Variants in EDF1 observed in about 807,000 individuals in gnomAD.
EDF1 encodes endothelial differentiation-related factor 1.
A neutral mutation model predicts 20.8 loss-of-function variants in EDF1; 5 were observed. The observed-to-expected ratio is 0.24, with a 90% CI of 0.13 to 0.51. The LOEUF (loss-of-function observed/expected upper bound fraction) is 0.51. Ranked by LOEUF, EDF1 falls within the 20% of genes least tolerant of loss-of-function variation. The probability of loss-of-function intolerance (pLI) is 0.97; values close to 1 mark genes in which losing one functional copy is unlikely to be tolerated. For synonymous variants in EDF1, 96 were observed against 78.5 expected (o/e 1.22, Z -1.18); for missense variants, 137 against 197.8 (o/e 0.69, Z 1.84).
In EDF1 at chr9:136,862,693, C is replaced by T. The variant is rs148528888; in HGVS notation, c.385+213G>A. 1.0e-5 allele frequency: 15 copies of T among 1,497,548 alleles called. No individual in the cohort carries two copies. Among genetic ancestry groups the T allele is most frequent in the East Asian group, 2.4e-5 (1 of 41,510 alleles). The allele number at this position is 1,497,548 out of a possible 1,614,324, so 92.8% of individuals were successfully genotyped here. A position where few individuals can be genotyped will look rare whatever the true frequency, so the allele number is the denominator to read the frequency against. ...CGGGAACTGGCAAGGGGAAGGGACT[C>T]GGACTCCACTTGCTCTTAGGGGTTT... On this transcript the variant is annotated intron_variant, in intron 4 of 4. Coordinates refer to ENST00000224073, the MANE Select transcript of EDF1 (RefSeq NM_003792.4). This position sits in a 1 kb window ranked among gnomAD's most constrained non-coding sequence, Gnocchi z 4.1.
At chr9:136,865,461 G>A (rs1471554869) in intron 1 of EDF1, among the ~76,000 whole-genome samples, 1 of 151,920 alleles carries the variant, frequency 6.6e-6, no homozygotes, top group Non-Finnish European at 1.5e-5. Context: ...CTCTCAGGGA[G>A]GAGCCTACCC....
rs1849224809 is a variant in EDF1 at position 136,866,239 on chromosome 9, T to C, written c.20A>G (p.Asp7Gly). MAESDW[D>G]TVTVLRKKGP... is the part of the protein sequence containing the mutation. ...CTTCTTGCGCAGCACCGTCACCGTG[T>C]CCCAGTCGCTCTCGGCCATGGCGGG... Residue 7 changes from aspartate (D) to glycine (G), a missense_variant, in exon 1 of 5, where the codon GAC becomes GGC. By Grantham distance (94) the Asp-to-Gly change is moderately conservative (BLOSUM62 -1). Transcript: ENST00000224073. 7 of 1,600,002 alleles carry C rather than the reference T, an allele frequency of 4.4e-6. No homozygotes were observed. The highest frequency in any genetic ancestry group is 2.8e-5 in the African/African-American group (2 of 72,580).
In EDF1 at chr9:136,863,334, T is replaced by C. The variant is rs1196316198; in HGVS notation, c.245A>G (p.Gln82Arg). ...AAGCCCCTTGCTCTGCCGACCTTGC[T>C]GGATCACCTTGCCCACCTCCAGGGT... ...RVTLEVGKVI[Q>R]QGRQSKGLTQ... The change falls in exon 3 of 5, where the codon CAG becomes CGG. Residue 82 changes from glutamine (Q) to arginine (R), a missense_variant. Coordinates refer to ENST00000224073, the MANE Select transcript of EDF1 (RefSeq NM_003792.4). This position sits in a 1 kb window ranked among gnomAD's most constrained non-coding sequence, Gnocchi z 4.5. 1 of 1,613,918 alleles carries C rather than the reference T, an allele frequency of 6.2e-7. No individual in the cohort carries two copies. The highest frequency in any genetic ancestry group is 8.5e-7 in the Non-Finnish European group (1 of 1,180,010).
In EDF1 at chr9:136,862,616, C is replaced by G; in HGVS notation, c.386-271G>C. 6.5e-7 allele frequency: 1 copy of G among 1,528,052 alleles called. No homozygotes were observed. Among genetic ancestry groups the G allele is most frequent in the Non-Finnish European group, 8.7e-7 (1 of 1,143,848 alleles). 94.7% of individuals were successfully genotyped at this position (1,528,052 alleles called of 1,614,324 possible). A position where few individuals can be genotyped will look rare whatever the true frequency, so the allele number is the denominator to read the frequency against. On this transcript the variant is annotated intron_variant, in intron 4 of 4. Transcript: ENST00000224073. The surrounding 1 kb of genome is among the most constrained non-coding windows in gnomAD (Gnocchi z 4.1). ...GCTTCCGGCCCCATGCTGACAGGGC[C>G]CGGACCCGCTGTGCTCAGGCTCAGA...
rs1849143278 is a variant in EDF1 at position 136,863,189 on chromosome 9, CA to C, written c.291+98del. On this transcript the variant is annotated intron_variant, in intron 3 of 4. Transcript: ENST00000224073. The surrounding 1 kb of genome is among the most constrained non-coding windows in gnomAD (Gnocchi z 4.5). ...CCCGAGGCATTCCCTGCAGGGGAACCAGGGGGGTGGAGCCCACCCTCCCCGT... is the reference window on the plus strand; with the variant it reads ...CCCGAGGCATTCCCTGCAGGGGAACCGGGGGGTGGAGCCCACCCTCCCCGT... The C allele has an allele frequency of 6.5e-7, 1 of 1,545,722 alleles. No individual in the cohort carries two copies. The highest frequency in any genetic ancestry group is 1.7e-5 in the Admixed American group (1 of 57,316).
In EDF1 at chr9:136,863,446, C is replaced by G; in HGVS notation, c.133G>C (p.Ala45Pro). The G allele has an allele frequency of 6.2e-7, 1 of 1,611,582 alleles. No homozygotes were observed. The highest frequency in any genetic ancestry group is 8.5e-7 in the Non-Finnish European group (1 of 1,178,152). ...GAATGTTGTTTGTTCTGGCCAGCAG[C>G]CCCTGGAGTCGGTGTGAGGCAAAAG... ...GEDVETSKKW[A>P]AGQNKQHSIT... Residue 45 changes from alanine to proline, a missense_variant and splice_region_variant, in exon 3 of 5, where the codon GCT (alanine) becomes CCT (proline). Physicochemically the swap from Ala to Pro is conservative, Grantham distance 27. Transcript: ENST00000224073. This position sits in a 1 kb window ranked among gnomAD's most constrained non-coding sequence, Gnocchi z 4.5.
rs878880575 is a variant in EDF1 at position 136,863,717 on chromosome 9, A to G, written c.130+103T>C. On this transcript the variant is annotated intron_variant, in intron 2 of 4. Coordinates refer to ENST00000224073, the MANE Select transcript of EDF1 (RefSeq NM_003792.4). The surrounding 1 kb of genome is among the most constrained non-coding windows in gnomAD (Gnocchi z 4.5). Reference sequence around the variant, plus strand: ...CCGGCCAGCACCGGTGCAGGCAGGCACTCAGCTGACAACGTCCCCGGGGGC... The same window carrying G: ...CCGGCCAGCACCGGTGCAGGCAGGCGCTCAGCTGACAACGTCCCCGGGGGC... 17 of 1,417,244 alleles carry G rather than the reference A, an allele frequency of 1.2e-5. No individual in the cohort carries two copies. In the South Asian group the frequency reaches 1.8e-4, roughly 15 times the overall value. The allele number at this position is 1,417,244 out of a possible 1,614,324, so 87.8% of individuals were successfully genotyped here.
Position 136,863,742 on chromosome 9 carries a change from C to T in EDF1, c.130+78G>A, listed in dbSNP as rs180911971. The stretch of plus-strand genomic sequence containing the variant: ...ACTCAGCTGACAACGTCCCCGGGGG[C>T]GCCGCACACACCACACCCACCAGCA... On this transcript the variant is annotated intron_variant, in intron 2 of 4. Coordinates refer to ENST00000224073, the MANE Select transcript of EDF1 (RefSeq NM_003792.4). This position sits in a 1 kb window ranked among gnomAD's most constrained non-coding sequence, Gnocchi z 4.5. 8.1e-4 allele frequency: 1,245 copies of T among 1,545,762 alleles called. 2 individuals carry two copies. Among genetic ancestry groups the T allele is most frequent in the Non-Finnish European group, 1.1e-3 (1,194 of 1,121,880 alleles).
At chr9:136,865,332 C>G (rs540670666) in intron 1 of EDF1, among the ~76,000 whole-genome samples, 12 of 152,244 alleles carry the variant, frequency 7.9e-5, no homozygotes, top group Admixed American at 5.9e-4. Flanking sequence ...TCCACCTGCT[C>G]ATGGGGTCCC....
In EDF1 at chr9:136,863,014, T is replaced by G. The variant is rs758914403; in HGVS notation, c.292-15A>C. ...TCATTGATTTTCTAAAGAGAAGATG[T>G]GCTTTATACACATCAGCTCCACTAG... On this transcript the variant is annotated splice_polypyrimidine_tract_variant and intron_variant, in intron 3 of 4. Coordinates refer to ENST00000224073, the MANE Select transcript of EDF1 (RefSeq NM_003792.4). This position sits in a 1 kb window ranked among gnomAD's most constrained non-coding sequence, Gnocchi z 4.5. 6.2e-7 allele frequency: 1 copy of G among 1,613,564 alleles called. No individual in the cohort carries two copies. The highest frequency in any genetic ancestry group is 8.5e-7 in the Non-Finnish European group (1 of 1,179,960).
Position 136,863,903 on chromosome 9 carries a change from A to G in EDF1, c.79-32T>C, listed in dbSNP as rs1306079327. Reference sequence around the variant, plus strand: ...AATTAGAAAACATCAGTGGATCAAAATTAGCTTTGACAGTATCCAGCACAC... The same window carrying G: ...AATTAGAAAACATCAGTGGATCAAAGTTAGCTTTGACAGTATCCAGCACAC... On this transcript the variant is annotated intron_variant, in intron 1 of 4. Coordinates refer to ENST00000224073, the MANE Select transcript of EDF1 (RefSeq NM_003792.4). This position sits in a 1 kb window ranked among gnomAD's most constrained non-coding sequence, Gnocchi z 4.5. The G allele has an allele frequency of 6.2e-7, 1 of 1,612,326 alleles. No individual in the cohort carries two copies. Among genetic ancestry groups the G allele is most frequent in the East Asian group, 2.2e-5 (1 of 44,862 alleles).
At chr9:136,865,512 G>A (rs1446792211) in intron 1 of EDF1, among the ~76,000 whole-genome samples, 1 of 151,384 alleles carries the variant, frequency 6.6e-6, no homozygotes, top group African/African-American at 2.4e-5. Flanking sequence ...CCTCTGCCCC[G>A]TCACCCAGTC....
Position 136,863,101 on chromosome 9 carries a change from GT to G in EDF1, c.292-103del, listed in dbSNP as rs1237869690. ...AACAGCAGCTTCTAGGGCCCCTGGGGTACGCACCCACACGCAGCTGGGTTTT... is the reference window on the plus strand; with the variant it reads ...AACAGCAGCTTCTAGGGCCCCTGGGGACGCACCCACACGCAGCTGGGTTTT... On this transcript the variant is annotated intron_variant, in intron 3 of 4. Coordinates refer to ENST00000224073, the MANE Select transcript of EDF1 (RefSeq NM_003792.4). The surrounding 1 kb of genome is among the most constrained non-coding windows in gnomAD (Gnocchi z 4.5). 14 of 1,543,720 alleles carry G rather than the reference GT, an allele frequency of 9.1e-6. No homozygotes were observed. In the East Asian group the frequency reaches 2.7e-4, roughly 30 times the overall value.
chr9:136,863,757 A>C lies in EDF1; in HGVS notation c.130+63T>G, dbSNP rs1849158625. On this transcript the variant is annotated intron_variant, in intron 2 of 4. Coordinates refer to ENST00000224073, the MANE Select transcript of EDF1 (RefSeq NM_003792.4). The surrounding 1 kb of genome is among the most constrained non-coding windows in gnomAD (Gnocchi z 4.5). ...TCCCCGGGGGCGCCGCACACACCAC[A>C]CCCACCAGCACATGGACCCCACAGC... is the stretch of plus-strand genomic sequence containing the variant. The C allele has an allele frequency of 6.3e-7, 1 of 1,591,510 alleles. No homozygotes were observed. Among genetic ancestry groups the C allele is most frequent in the Non-Finnish European group, 8.6e-7 (1 of 1,160,678 alleles).
Position 136,863,058 on chromosome 9 carries a change from C to A in EDF1, c.292-59G>T, listed in dbSNP as rs1374826069. 12 of 1,602,198 alleles carry A rather than the reference C, an allele frequency of 7.5e-6. No individual in the cohort carries two copies. Among genetic ancestry groups the A allele is most frequent in the Non-Finnish European group, 9.4e-6 (11 of 1,171,616 alleles). On this transcript the variant is annotated intron_variant, in intron 3 of 4. Coordinates refer to ENST00000224073, the MANE Select transcript of EDF1 (RefSeq NM_003792.4). This position sits in a 1 kb window ranked among gnomAD's most constrained non-coding sequence, Gnocchi z 4.5. ...CCACTAGGACTGCTGCAAAACCAGG[C>A]GCGAAGCGTCGCCTGAGAACAGCAG...
Position 136,862,849 on chromosome 9 carries a change from T to C in EDF1, c.385+57A>G, listed in dbSNP as rs1588398785. 3 of 1,611,886 alleles carry C rather than the reference T, an allele frequency of 1.9e-6. No individual in the cohort carries two copies. The East Asian group carries it at 6.7e-5, about 36-fold the overall frequency. On this transcript the variant is annotated intron_variant, in intron 4 of 4. Coordinates refer to ENST00000224073, the MANE Select transcript of EDF1 (RefSeq NM_003792.4). The surrounding 1 kb of genome is among the most constrained non-coding windows in gnomAD (Gnocchi z 4.1). ...GAGTCCCACTCTCACCAACCCCAGC[T>C]GGGAGCGGGTAGCCTCCCTGTTCAG... is the stretch of plus-strand genomic sequence containing the variant.
intron 1 of EDF1, among the ~76,000 whole-genome samples, chr9:136,865,321 G>T (rs1227935658): frequency 6.6e-6 from 1 of 152,062 alleles, no homozygotes; most frequent in Non-Finnish European, 1.5e-5. Context: ...GTGCAACAGG[G>T]TCCACCTGCT....
rs766157776 is a variant in EDF1, at chr9:136,862,858, G to A, written c.385+48C>T. On this transcript the variant is annotated intron_variant, in intron 4 of 4. Coordinates refer to ENST00000224073, the MANE Select transcript of EDF1 (RefSeq NM_003792.4). This position sits in a 1 kb window ranked among gnomAD's most constrained non-coding sequence, Gnocchi z 4.1. Reference sequence around the variant, plus strand: ...TCTCACCAACCCCAGCTGGGAGCGGGTAGCCTCCCTGTTCAGCGGACCCGG... The same window carrying A: ...TCTCACCAACCCCAGCTGGGAGCGGATAGCCTCCCTGTTCAGCGGACCCGG... 1.2e-5 allele frequency: 19 copies of A among 1,611,980 alleles called. 1 individual carries two copies. The Middle Eastern group carries it at 1.5e-3, about 124-fold the overall frequency.
At position 136,863,093 on chromosome 9, in the gene EDF1, C is replaced by A; in HGVS notation, c.292-94G>T. Reference sequence around the variant, plus strand: ...CGCCTGAGAACAGCAGCTTCTAGGGCCCCTGGGGTACGCACCCACACGCAG... The same window carrying A: ...CGCCTGAGAACAGCAGCTTCTAGGGACCCTGGGGTACGCACCCACACGCAG... On this transcript the variant is annotated intron_variant, in intron 3 of 4. Transcript: ENST00000224073. This position sits in a 1 kb window ranked among gnomAD's most constrained non-coding sequence, Gnocchi z 4.5. 1 of 1,559,040 alleles carries A rather than the reference C, an allele frequency of 6.4e-7. No individual in the cohort carries two copies. Among genetic ancestry groups the A allele is most frequent in the Middle Eastern group, 2.2e-4 (1 of 4,496 alleles).
Sources: gnomAD v4.1 joint callset for allele counts (sites outside exome capture counted in the v4.1 genomes callset) on GRCh38, gnomAD v4.1.1 for gene constraint, Gnocchi (gnomAD v3.1) non-coding constraint, MANE v1.5 for transcripts, NCBI Gene and HGNC (gene_info 2026-07-23, HGNC 2026-07-21) for gene names.